DKK3: variants seen among roughly 807,000 people sequenced by gnomAD.
DKK3 encodes dickkopf-related protein 3.
Under a neutral mutation model 33.2 loss-of-function variants are expected in DKK3, and 22 were observed. The ratio of observed to expected loss-of-function variants is 0.66; its 90% CI spans 0.47 to 0.95. The LOEUF (loss-of-function observed/expected upper bound fraction) is 0.95. Among genes scored for constraint, DKK3 ranks in the 40% least tolerant of loss-of-function variants. The pLI is 0.00. For synonymous variants in DKK3, 194 were observed against 188.8 expected (o/e 1.03, Z -0.23); for missense variants, 398 against 458.4 (o/e 0.87, Z 1.20).
At chr11:11,995,128 G>A (rs1848264571) in intron 3 of DKK3, among the ~76,000 whole-genome samples, 1 of 152,198 alleles carries the variant, frequency 6.6e-6, no homozygotes, top group African/African-American at 2.4e-5. Flanking sequence ...CACCCAGGCT[G>A]GAGTGCAGTG....
At chr11:11,985,857 G>A (rs1848059811) in intron 3 of DKK3, among the ~76,000 whole-genome samples, 1 of 152,224 alleles carries the variant, frequency 6.6e-6, no homozygotes, top group South Asian at 2.1e-4. Context: ...TGGGGATGCG[G>A]GGAGAGGAGA....
rs138336904 is a variant in DKK3 at position 11,964,497 on chromosome 11, G to A, written c.1020C>T (p.Ala340=). 2.4e-5 allele frequency: 39 copies of A among 1,613,076 alleles called. No individual in the cohort carries two copies. The highest frequency in any genetic ancestry group is 7.7e-5 in the South Asian group (7 of 91,084). ...EEMALREPAA[A]AAALLGGEEI The stretch of plus-strand genomic sequence containing the variant: ...CTTCCCCTCCCAGCAGTGCAGCGGC[G>A]GCAGCCGCAGGCTCCCTCAGCGCCA... Residue 340 remains alanine (A), a synonymous_variant, in exon 7 of 7, where the codon GCC becomes GCT. Coordinates refer to ENST00000683431, the MANE Select transcript of DKK3 (RefSeq NM_001018057.2).
intron 3 of DKK3, among the ~76,000 whole-genome samples, chr11:11,988,875 G>T (rs978853681): frequency 1.3e-5 from 2 of 152,222 alleles, no homozygotes; most frequent in Admixed American, 6.5e-5. Context: ...CAGGTCAGTG[G>T]CATCAGTTAA....
intron 3 of DKK3, among the ~76,000 whole-genome samples, chr11:11,977,075 C>T (rs1302349860): frequency 6.6e-6 from 1 of 152,124 alleles, no homozygotes; most frequent in Non-Finnish European, 1.5e-5. Context: ...TTCTAAAGTG[C>T]CAATGTCTGC....
intron 2 of DKK3, among the ~76,000 whole-genome samples, chr11:12,001,284 C>T (rs1188069773): frequency 6.6e-6 from 1 of 152,186 alleles, no homozygotes; most frequent in Non-Finnish European, 1.5e-5. Flanking sequence ...GGAGCTCATA[C>T]ACTCTGTAGC....
intron 2 of DKK3, among the ~76,000 whole-genome samples, chr11:12,000,491 G>A (rs1170016398): frequency 2.0e-5 from 3 of 150,302 alleles, no homozygotes; most frequent in African/African-American, 7.4e-5. Context: ...ATAGGCATAA[G>A]CCACCGTGCC....
intron 3 of DKK3, among the ~76,000 whole-genome samples, chr11:11,973,536 C>G (rs917944827): frequency 6.6e-6 from 1 of 152,224 alleles, no homozygotes; most frequent in African/African-American, 2.4e-5. Flanking sequence ...TGTTTGCCCC[C>G]ACTCCTCCCT....
intron 3 of DKK3, among the ~76,000 whole-genome samples, chr11:11,977,309 C>G (rs1305394410): frequency 1.3e-5 from 2 of 151,942 alleles, no homozygotes; most frequent in Non-Finnish European, 2.9e-5. Context: ...TATATACAGA[C>G]AGCTCCCACC....
At chr11:11,995,125 G>A (rs1393693384) in intron 3 of DKK3, among the ~76,000 whole-genome samples, 2 of 152,182 alleles carry the variant, frequency 1.3e-5, no homozygotes, top group Non-Finnish European at 2.9e-5. Flanking sequence ...TGTCACCCAG[G>A]CTGGAGTGCA....
intron 3 of DKK3, among the ~76,000 whole-genome samples, chr11:11,983,246 GTAA>G (rs1847994066): frequency 2.0e-5 from 3 of 152,188 alleles, no homozygotes; most frequent in Non-Finnish European, 4.4e-5. Flanking sequence ...TGGGAAGAAA[GTAA>G]TAAATGTGCC....
intron 1 of DKK3, among the ~76,000 whole-genome samples, chr11:12,003,075 G>A (rs745348379): frequency 6.6e-6 from 1 of 152,198 alleles, no homozygotes; most frequent in South Asian, 2.1e-4. Flanking sequence ...CTAGATGCCC[G>A]CAGCAGTAAC....
rs535935778 is a variant in DKK3 at position 11,974,027 on chromosome 11, G to A, written c.436-5540C>T. ...GGAATCCCAGACATTCTTGTTCACCGGAGGCCCAAAGGAAGAGGCTGCTGG... is the reference window on the plus strand; with the variant it reads ...GGAATCCCAGACATTCTTGTTCACCAGAGGCCCAAAGGAAGAGGCTGCTGG... On this transcript the variant is annotated intron_variant, in intron 3 of 6. Transcript: ENST00000683431. 2.4e-4 allele frequency among the ~76,000 whole-genome samples: 36 copies of A among 152,340 alleles called. 1 individual carries two copies. Among genetic ancestry groups the A allele is most frequent in the African/African-American group, 8.4e-4 (35 of 41,580 alleles).
intron 3 of DKK3, among the ~76,000 whole-genome samples, chr11:11,979,229 G>A (rs965930214): frequency 2.0e-5 from 3 of 152,324 alleles, no homozygotes; most frequent in Non-Finnish European, 1.5e-5. Flanking sequence ...ATGGAGGCTG[G>A]GTGGGGAAGC....
At chr11:11,969,233 G>A (rs1590502038) in intron 3 of DKK3, among the ~76,000 whole-genome samples, 1 of 152,228 alleles carries the variant, frequency 6.6e-6, no homozygotes, top group Admixed American at 6.5e-5. Context: ...GTCACTGGCA[G>A]AAGCAGGGCT....
In DKK3 at chr11:11,964,375, G is replaced by GA. The variant is rs1847528139; in HGVS notation, c.*88dup. ...ACTTACTGGGAAGAAGATGTAGGAA[G>GA]AAGCCTGGTCAGCCCACGCCTAAAG... On this transcript the variant is annotated 3_prime_UTR_variant, in exon 7 of 7. Transcript: ENST00000683431. 3 of 1,490,826 alleles carry GA rather than the reference G, an allele frequency of 2.0e-6. No homozygotes were observed. The East Asian group carries it at 6.8e-5, about 34-fold the overall frequency. 92.3% of individuals were successfully genotyped at this position (1,490,826 alleles called of 1,614,324 possible). A position where few individuals can be genotyped will look rare whatever the true frequency, so the allele number is the denominator to read the frequency against.
chr11:12,004,195 C>T (rs1329820002), intron 1 of DKK3, among the ~76,000 whole-genome samples: 2 of 152,174 alleles, frequency 1.3e-5, no homozygotes, highest in Non-Finnish European at 1.5e-5. Context: ...CCTTCATGGA[C>T]CCGCTGAATT....
At chr11:11,984,252 T>A (rs543876134) in intron 3 of DKK3, among the ~76,000 whole-genome samples, 1 of 152,358 alleles carries the variant, frequency 6.6e-6, no homozygotes, top group East Asian at 1.9e-4. Flanking sequence ...AGTCGAGTTA[T>A]CAAAATATTT....
upstream of DKK3, chr11:12,009,439 G>A (rs1209397316): frequency 1.1e-6 from 1 of 939,268 alleles, no homozygotes; most frequent in Non-Finnish European, 1.3e-6. Flanking sequence ...CCGGCCATTG[G>A]CCAGCCGGGG....
In DKK3 at chr11:11,964,499, C is replaced by T; in HGVS notation, c.1018G>A (p.Ala340Thr). 1.2e-6 allele frequency: 2 copies of T among 1,613,428 alleles called. No homozygotes were observed. Among genetic ancestry groups the T allele is most frequent in the South Asian group, 2.2e-5 (2 of 91,092 alleles). The change falls in exon 7 of 7, where the codon GCC becomes ACC. Residue 340 changes from alanine to threonine, a missense_variant. Ala to Thr is a moderately conservative substitution (Grantham distance 58, BLOSUM62 0). Transcript: ENST00000683431. ...EEMALREPAA[A>T]AAALLGGEEI is the part of the protein sequence containing the mutation. ...TCCCCTCCCAGCAGTGCAGCGGCGG[C>T]AGCCGCAGGCTCCCTCAGCGCCATC...
Sources: allele counts gnomAD v4.1 joint callset (sites outside exome capture counted in the v4.1 genomes callset), GRCh38; gene constraint gnomAD v4.1.1; transcripts MANE v1.5; gene names NCBI Gene and HGNC (gene_info 2026-07-23, HGNC 2026-07-21).